PCSK5: variants seen among roughly 807,000 people sequenced by gnomAD.
PCSK5 encodes prohormone convertase 5.
In PCSK5, 129 loss-of-function variants were observed where a neutral mutation model predicts 233.2. The observed-to-expected ratio is 0.55, with a 90% CI of 0.48 to 0.64. The LOEUF (loss-of-function observed/expected upper bound fraction) is 0.64. PCSK5 is among the 30% of genes least tolerant of loss of function. PCSK5 has a pLI of 0.00. For missense variants in PCSK5, 2,076 were observed against 2,430.1 expected (o/e 0.85, Z 3.06); for synonymous variants, 825 against 879.2 (o/e 0.94, Z 1.09).
chr9:76,347,921 C>A (rs1297247447), intron 35 of PCSK5, among the ~76,000 whole-genome samples: 2 of 151,648 alleles, frequency 1.3e-5, no homozygotes, highest in African/African-American at 4.9e-5. Flanking sequence ...TTATAGGGTA[C>A]AAAGGGATGT....
chr9:76,161,377 A>T (rs1481072963), intron 12 of PCSK5, among the ~76,000 whole-genome samples: 2 of 151,928 alleles, frequency 1.3e-5, no homozygotes, highest in Non-Finnish European at 2.9e-5. Context: ...TCAGATACAC[A>T]ATTACGTGAT....
chr9:75,958,125 A>G (rs1825175975), intron 2 of PCSK5, among the ~76,000 whole-genome samples: 1 of 152,172 alleles, frequency 6.6e-6, no homozygotes, highest in African/African-American at 2.4e-5. Flanking sequence ...AAGATTTAAA[A>G]CCACTTTGTA....
intron 20 of PCSK5, chr9:76,209,628 C>T: frequency 2.1e-6 from 1 of 472,252 alleles, no homozygotes; most frequent in Non-Finnish European, 4.2e-6. Context: ...ATTTATTTAC[C>T]AAAATGTTTC....
chr9:76,351,516 GAAA>G lies in PCSK5; in HGVS notation c.5067+589_5067+591del, dbSNP rs1564196878. Among the ~76,000 whole-genome samples, 75 of 112,924 alleles carry G rather than the reference GAAA, an allele frequency of 6.6e-4. 8 individuals carry two copies. Among genetic ancestry groups the G allele is most frequent in the African/African-American group, 2.2e-3 (66 of 30,498 alleles). 74.1% of individuals were successfully genotyped at this position (112,924 alleles called of 152,430 possible). A position where few individuals can be genotyped will look rare whatever the true frequency, so the allele number is the denominator to read the frequency against. On this transcript the variant is annotated intron_variant, in intron 36 of 37. Coordinates refer to ENST00000674117, the MANE Select transcript of PCSK5 (RefSeq NM_001372043.1). ...AGAAAGAAAGAAAGAAAGAAAGAAAGAAAGAAAGAAAGAAAGGAAGGAAAGAAA... is the reference window on the plus strand; with the variant it reads ...AGAAAGAAAGAAAGAAAGAAAGAAAGGAAAGAAAGAAAGGAAGGAAAGAAA...
chr9:76,162,282 C>G (rs1312947081), intron 12 of PCSK5, among the ~76,000 whole-genome samples: 3 of 152,184 alleles, frequency 2.0e-5, no homozygotes, highest in African/African-American at 7.2e-5. Flanking sequence ...AAGACAGTTT[C>G]TTTTGGCACT....
intron 5 of PCSK5, among the ~76,000 whole-genome samples, chr9:76,064,100 C>A: frequency 8.2e-6 from 1 of 121,570 alleles, no homozygotes; most frequent in Admixed American, 7.3e-5. Context: ...AGGCGCCCCT[C>A]ACCTCCCAGA....
chr9:75,924,494 G>A (rs1823391353), intron 1 of PCSK5, among the ~76,000 whole-genome samples: 1 of 152,120 alleles, frequency 6.6e-6, no homozygotes, highest in African/African-American at 2.4e-5. Flanking sequence ...TGGACACTTT[G>A]AGGTGAAGGT....
chr9:76,249,735 G>C (rs1303801142), intron 24 of PCSK5, among the ~76,000 whole-genome samples: 1 of 152,186 alleles, frequency 6.6e-6, no homozygotes, highest in Non-Finnish European at 1.5e-5. Flanking sequence ...TAAAGCATTT[G>C]ACTGCAGAAA....
At chr9:76,068,341 C>A (rs193280749) in intron 6 of PCSK5, among the ~76,000 whole-genome samples, 4 of 152,118 alleles carry the variant, frequency 2.6e-5, no homozygotes, top group Admixed American at 2.6e-4. Flanking sequence ...CAAAATGCTA[C>A]AATTGGTGCC....
chr9:75,890,414 C>G (rs1038949879), upstream of PCSK5, among the ~76,000 whole-genome samples: 1 of 152,026 alleles, frequency 6.6e-6, no homozygotes, highest in African/African-American at 2.4e-5. Flanking sequence ...TCATACAAAT[C>G]CAGCAGGGAG....
intron 9 of PCSK5, among the ~76,000 whole-genome samples, chr9:76,132,265 T>C (rs554546628): frequency 6.6e-6 from 1 of 152,216 alleles, no homozygotes; most frequent in South Asian, 2.1e-4. Context: ...AAGCAAAACA[T>C]CCTGCTCCTG....
In PCSK5 at chr9:76,187,555, G is replaced by A. The variant is rs564336360; in HGVS notation, c.2283-1023G>A. Among the ~76,000 whole-genome samples the A allele has an allele frequency of 2.0e-4, 31 of 152,086 alleles. No individual in the cohort carries two copies. The South Asian group carries it at 2.3e-3, about 11-fold the overall frequency. The stretch of plus-strand genomic sequence containing the variant: ...TTTTTTTAGCCTTTGTAGAGATGGC[G>A]TCTGACTGTGTTGCCCAGGCTAGTC... On this transcript the variant is annotated intron_variant, in intron 17 of 37. Coordinates refer to ENST00000674117, the MANE Select transcript of PCSK5 (RefSeq NM_001372043.1).
chr9:76,284,517 CCTTTTTTTTTTTTTTGT>C (rs1827993845), intron 24 of PCSK5, among the ~76,000 whole-genome samples: 1 of 112,734 alleles, frequency 8.9e-6, no homozygotes, highest in Non-Finnish European at 1.9e-5. Context: ...TCCATTAAAC[CCTTTTTTTTTTTTTTGT>C]CTTTTTTTTT....
intron 2 of PCSK5, among the ~76,000 whole-genome samples, chr9:75,945,182 A>C (rs918433931): frequency 2.0e-5 from 3 of 150,714 alleles, no homozygotes; most frequent in African/African-American, 4.9e-5. Context: ...TATGTCATAC[A>C]TATATAATAT....
intron 7 of PCSK5, among the ~76,000 whole-genome samples, chr9:76,088,916 C>T (rs1347315277): frequency 4.3e-5 from 6 of 140,672 alleles, no homozygotes; most frequent in African/African-American, 1.1e-4. Context: ...TGGTGGTGTT[C>T]GTGAGGTTTT....
intron 1 of PCSK5, among the ~76,000 whole-genome samples, chr9:75,898,392 T>C (rs1254936087): frequency 6.6e-6 from 1 of 152,234 alleles, no homozygotes; most frequent in Non-Finnish European, 1.5e-5. Flanking sequence ...AGCAGCAAAG[T>C]TCATATGCTG....
In PCSK5 at chr9:75,970,684, C is replaced by T. The variant is rs531072894; in HGVS notation, c.298-15448C>T. 4.3e-4 allele frequency among the ~76,000 whole-genome samples: 65 copies of T among 152,042 alleles called. 1 individual carries two copies. Among genetic ancestry groups the T allele is most frequent in the African/African-American group, 1.1e-3 (45 of 41,452 alleles). On this transcript the variant is annotated intron_variant, in intron 2 of 37. Coordinates refer to ENST00000674117, the MANE Select transcript of PCSK5 (RefSeq NM_001372043.1). ...TTGCCCAGACTGGAGTGCAGTGACACGATCTTGGTTCACTGCAACCTCCAC... is the reference window on the plus strand; with the variant it reads ...TTGCCCAGACTGGAGTGCAGTGACATGATCTTGGTTCACTGCAACCTCCAC...
At chr9:76,131,811 T>C (rs374879120) in intron 9 of PCSK5, among the ~76,000 whole-genome samples, 2 of 152,200 alleles carry the variant, frequency 1.3e-5, no homozygotes. Context: ...CATTGACTTC[T>C]TTTCTTTTTT....
rs74398159 is a variant in PCSK5 at position 75,900,702 on chromosome 9, CTT to C, written c.192+9344_192+9345del. On this transcript the variant is annotated intron_variant, in intron 1 of 37. Coordinates refer to ENST00000674117, the MANE Select transcript of PCSK5 (RefSeq NM_001372043.1). ...TCAAAAAAAAAAAAAAAACAAACAA[CTT>C]TTTTTTTTTTTTTTACCCTGCAGTA... is the stretch of plus-strand genomic sequence containing the variant. Among the ~76,000 whole-genome samples the C allele has an allele frequency of 1.3e-3, 170 of 134,064 alleles. 3 individuals carry two copies. The East Asian group carries it at 0.024, about 19-fold the overall frequency. The allele number at this position is 134,064 out of a possible 152,430, so 88.0% of individuals were successfully genotyped here.
Sources: gnomAD v4.1 joint callset for allele counts (sites outside exome capture counted in the v4.1 genomes callset) on GRCh38, gnomAD v4.1.1 for gene constraint, MANE v1.5 for transcripts, NCBI Gene and HGNC (gene_info 2026-07-23, HGNC 2026-07-21) for gene names.